The following CATSPERE variants were observed in gnomAD, a reference collection of about 807,000 sequenced individuals.
The protein encoded by CATSPERE is cation channel sperm-associated auxiliary subunit epsilon.
CATSPERE carries 93 observed loss-of-function variants against 114.1 expected under a neutral mutation model. The observed-to-expected ratio is 0.81, with a 90% CI of 0.69 to 0.97. The LOEUF (loss-of-function observed/expected upper bound fraction) is 0.97. CATSPERE is among the 50% of genes least tolerant of loss of function. The pLI, the probability that CATSPERE is intolerant of heterozygous loss-of-function variation, is 0.00. For synonymous variants in CATSPERE, 341 were observed against 384.1 expected (o/e 0.89, Z 1.31); for missense variants, 1,058 against 1,131.6 (o/e 0.93, Z 0.93).
At chr1:244,628,339 G>A (rs1673468383) in intron 20 of CATSPERE, among the ~76,000 whole-genome samples, 1 of 152,052 alleles carries the variant, frequency 6.6e-6, no homozygotes, top group Admixed American at 6.6e-5. Flanking sequence ...GGTCATCCTT[G>A]GTAAGGGAAA....
chr1:244,523,318 G>A (rs1677931433), intron 8 of CATSPERE, among the ~76,000 whole-genome samples: 1 of 145,612 alleles, frequency 6.9e-6, no homozygotes, highest in Non-Finnish European at 1.5e-5. Flanking sequence ...AGTAAATTAG[G>A]TATTGATGGG....
rs377452499 is a variant in CATSPERE at position 244,524,333 on chromosome 1, C to T, written c.536+5635C>T. 4.0e-5 allele frequency among the ~76,000 whole-genome samples: 6 copies of T among 150,630 alleles called. No homozygotes were observed. The Middle Eastern group carries it at 0.01, about 256-fold the overall frequency. On this transcript the variant is annotated intron_variant, in intron 8 of 21. Coordinates refer to ENST00000366534, the MANE Select transcript of CATSPERE (RefSeq NM_001130957.2). ...CCTTCCTTACACCTTATACAAAAAT[C>T]AATTCAAGATGGATTAAAGACTTAA...
At chr1:244,545,323 T>A (rs1172640552) in intron 8 of CATSPERE, among the ~76,000 whole-genome samples, 2 of 152,234 alleles carry the variant, frequency 1.3e-5, no homozygotes, top group Non-Finnish European at 2.9e-5. Flanking sequence ...CTTTGGATTT[T>A]GGAGGCAACA....
chr1:244,540,265 T>A (rs568931085), intron 8 of CATSPERE, among the ~76,000 whole-genome samples: 22 of 146,496 alleles, frequency 1.5e-4, no homozygotes, highest in Non-Finnish European at 3.0e-4. Context: ...AACCCCATTG[T>A]CTCAGCCCAA....
In CATSPERE at chr1:244,610,693, C is replaced by T. The variant is rs61188961; in HGVS notation, c.2490+367C>T. The T allele has an allele frequency of 5.8e-3, 1,273 of 220,178 alleles. 23 individuals are homozygous for T. The highest frequency in any genetic ancestry group is 0.028 in the African/African-American group (1,212 of 43,294). 13.6% of individuals were successfully genotyped at this position (220,178 alleles called of 1,614,324 possible). On this transcript the variant is annotated intron_variant, in intron 19 of 21. Transcript: ENST00000366534. Reference sequence around the variant, plus strand: ...TTGTCAATGAGGACTTCCCTGGCCACCATATGGAAAAACTTAACCATCACT... The same window carrying T: ...TTGTCAATGAGGACTTCCCTGGCCATCATATGGAAAAACTTAACCATCACT...
At position 244,640,152 on chromosome 1, in the gene CATSPERE, AGT is replaced by A. The variant is rs1558640490; in HGVS notation, c.*78_*79del. 6.4e-6 allele frequency: 8 copies of A among 1,257,822 alleles called. No individual in the cohort carries two copies. Among genetic ancestry groups the A allele is most frequent in the Non-Finnish European group, 1.1e-6 (1 of 914,148 alleles). The allele number at this position is 1,257,822 out of a possible 1,614,324, so 77.9% of individuals were successfully genotyped here. Reference sequence around the variant, plus strand: ...CAGTGTATTACATAGTGATATTGAGAGTGTGTGTTTGACCAAGAAATACTAAA... The same window carrying A: ...CAGTGTATTACATAGTGATATTGAGAGTGTGTTTGACCAAGAAATACTAAA... On this transcript the variant is annotated 3_prime_UTR_variant, in exon 22 of 22. Coordinates refer to ENST00000366534, the MANE Select transcript of CATSPERE (RefSeq NM_001130957.2).
chr1:244,628,052 G>A (rs1314692837), intron 20 of CATSPERE, among the ~76,000 whole-genome samples: 2 of 152,152 alleles, frequency 1.3e-5, no homozygotes, highest in African/African-American at 2.4e-5. Context: ...TTGTGTTCCC[G>A]TAACCCTTAC....
chr1:244,538,440 A>G (rs1261699644), intron 8 of CATSPERE, among the ~76,000 whole-genome samples: 1 of 152,166 alleles, frequency 6.6e-6, no homozygotes. Flanking sequence ...ATAGAAGATA[A>G]TTCTAATGCA....
chr1:244,498,202 T>C (rs148705886), intron 6 of CATSPERE, among the ~76,000 whole-genome samples: 211 of 152,310 alleles, frequency 1.4e-3, no homozygotes, highest in African/African-American at 4.9e-3. Context: ...AGTGAAAATA[T>C]GTAAAGATCT....
rs3003276 is a variant in CATSPERE at position 244,518,188 on chromosome 1, G to A, written c.430-404G>A. Among the ~76,000 whole-genome samples, 1,100 of 152,220 alleles carry A rather than the reference G, an allele frequency of 7.2e-3. 14 individuals carry two copies. Among genetic ancestry groups the A allele is most frequent in the African/African-American group, 0.025 (1,024 of 41,528 alleles). On this transcript the variant is annotated intron_variant, in intron 7 of 21. Transcript: ENST00000366534. Reference sequence around the variant, plus strand: ...GTTTTCCTTAAAGCCCCCAGGTATCGTTTGAAACCTACCTTGAAAGAGTAT... The same window carrying A: ...GTTTTCCTTAAAGCCCCCAGGTATCATTTGAAACCTACCTTGAAAGAGTAT...
chr1:244,570,637 T>C (rs1664295158), intron 10 of CATSPERE, among the ~76,000 whole-genome samples: 1 of 152,270 alleles, frequency 6.6e-6, no homozygotes. Flanking sequence ...AACTTCATAT[T>C]TAAAGCAAGG....
chr1:244,583,043 G>A (rs1242169006), intron 12 of CATSPERE, among the ~76,000 whole-genome samples: 1 of 150,938 alleles, frequency 6.6e-6, no homozygotes, highest in Non-Finnish European at 1.5e-5. Context: ...ATACCCAGGA[G>A]AGGCTGAATT....
At chr1:244,490,352 G>C in intron 5 of CATSPERE, 95 bp from the exon 6 acceptor site, 1 of 787,862 alleles carries the variant, frequency 1.3e-6, no homozygotes, top group Non-Finnish European at 2.0e-6. Flanking sequence ...AAGAGAATAT[G>C]CAAAGGTTTA....
intron 20 of CATSPERE, among the ~76,000 whole-genome samples, chr1:244,630,689 GA>G (rs755867786): frequency 2.1e-4 from 32 of 152,142 alleles, no homozygotes; most frequent in Non-Finnish European, 5.9e-5. Flanking sequence ...AGTGTTCTGG[GA>G]TCAAAACCTT....
At chr1:244,550,117 G>A (rs1014877800) in intron 8 of CATSPERE, among the ~76,000 whole-genome samples, 5 of 152,124 alleles carry the variant, frequency 3.3e-5, no homozygotes. Context: ...GACTTACTCT[G>A]TTGGTTCTCC....
At chr1:244,529,490 T>C (rs1307958659) in intron 8 of CATSPERE, among the ~76,000 whole-genome samples, 1 of 152,184 alleles carries the variant, frequency 6.6e-6, no homozygotes, top group Non-Finnish European at 1.5e-5. Flanking sequence ...ATTTAGATCT[T>C]TTGCCCATTT....
Position 244,490,443 on chromosome 1 carries a change from G to T in CATSPERE, c.327-4G>T, listed in dbSNP as rs765391760. 4.6e-6 allele frequency: 7 copies of T among 1,536,472 alleles called. No homozygotes were observed. The highest frequency in any genetic ancestry group is 5.4e-6 in the Non-Finnish European group (6 of 1,116,434). ...TAAAATATGTTTCCTCTTTTTCCAA[G>T]CAGACATTTCTTTAACAACTTTACC... is the stretch of plus-strand genomic sequence containing the variant. On this transcript the variant is annotated splice_region_variant and splice_polypyrimidine_tract_variant and intron_variant, in intron 5 of 21. Transcript: ENST00000366534.
At chr1:244,625,256 C>A (rs1360826324) in intron 20 of CATSPERE, among the ~76,000 whole-genome samples, 2 of 150,918 alleles carry the variant, frequency 1.3e-5, no homozygotes, top group Admixed American at 1.3e-4. Flanking sequence ...TGTTAGTAGG[C>A]ATGATAGGCA....
chr1:244,479,837 T>A, intron 5 of CATSPERE, 53 bp downstream of exon 5: 1 of 1,001,900 alleles, frequency 1.0e-6, no homozygotes, highest in Non-Finnish European at 1.5e-6. Context: ...GTATTTAGCT[T>A]CAACTTTTAA....
Sources: gnomAD v4.1 joint callset for allele counts (sites outside exome capture counted in the v4.1 genomes callset) on GRCh38, gnomAD v4.1.1 for gene constraint, MANE v1.5 for transcripts, NCBI Gene and HGNC (gene_info 2026-07-23, HGNC 2026-07-21) for gene names.